Variants in CCNK observed in about 807,000 individuals in gnomAD.
The protein encoded by CCNK is cyclin K.
A neutral mutation model predicts 65.0 loss-of-function variants in CCNK; 9 were observed. The ratio of observed to expected loss-of-function variants is 0.14; its 90% CI spans 0.08 to 0.24. The LOEUF is 0.24. CCNK is among the 10% of genes least tolerant of loss of function. CCNK has a pLI of 1.00. For synonymous variants in CCNK, 279 were observed against 270.8 expected, an observed-to-expected ratio of 1.03 and a Z score of -0.30; for missense variants, 474 against 720.0, an observed-to-expected ratio of 0.66 and a Z score of 3.91.
intron 1 of CCNK, among the ~76,000 whole-genome samples, chr14:99,482,630 G>A (rs1041769885): frequency 6.6e-6 from 1 of 152,100 alleles, no homozygotes; most frequent in African/African-American, 2.4e-5. Flanking sequence ...ATATTGTGAT[G>A]CATTATTCAA....
In CCNK at chr14:99,510,793, T is replaced by C. The variant is rs1474413517; in HGVS notation, c.*11T>C. On this transcript the variant is annotated 3_prime_UTR_variant, in exon 11 of 11. Coordinates refer to ENST00000389879, the MANE Select transcript of CCNK (RefSeq NM_001099402.2). Reference sequence around the variant, plus strand: ...GCCTGGATGAGATAACGTGAGCCTTTTTTCCCTCTTTGTTTTTTTAACAAG... The same window carrying C: ...GCCTGGATGAGATAACGTGAGCCTTCTTTCCCTCTTTGTTTTTTTAACAAG... 5 of 1,416,306 alleles carry C rather than the reference T, an allele frequency of 3.5e-6. No homozygotes were observed. Among genetic ancestry groups the C allele is most frequent in the Non-Finnish European group, 4.6e-6 (5 of 1,085,018 alleles). The allele number at this position is 1,416,306 out of a possible 1,614,324, so 87.7% of individuals were successfully genotyped here. A position where few individuals can be genotyped will look rare whatever the true frequency, so the allele number is the denominator to read the frequency against.
intron 1 of CCNK, among the ~76,000 whole-genome samples, chr14:99,484,734 G>A (rs1310906618): frequency 2.0e-5 from 3 of 152,208 alleles, no homozygotes; most frequent in Non-Finnish European, 1.5e-5. Flanking sequence ...AGGCTGTTTT[G>A]TAAACTAATG....
intron 4 of CCNK, among the ~76,000 whole-genome samples, chr14:99,496,315 A>C (rs1471153357): frequency 6.6e-6 from 1 of 152,192 alleles, no homozygotes; most frequent in Non-Finnish European, 1.5e-5. Context: ...TTTGCAATTA[A>C]ATAGATTTTC....
At chr14:99,494,003 A>C (rs1896648168) in intron 3 of CCNK, 1 of 157,908 alleles carries the variant, frequency 6.3e-6, no homozygotes, top group Admixed American at 6.3e-5. Context: ...AGTAGCTTTC[A>C]GTCCAGGATA....
chr14:99,501,534 G>GC, intron 6 of CCNK, 121 bp downstream of exon 6: 2 of 696,528 alleles, frequency 2.9e-6, no homozygotes, highest in Non-Finnish European at 4.9e-6. Flanking sequence ...GGCTTGAGGA[G>GC]CCAGTTAATG....
chr14:99,493,364 C>T, intron 2 of CCNK, 150 bp from the exon 3 acceptor site: 1 of 549,654 alleles, frequency 1.8e-6, no homozygotes, highest in Non-Finnish European at 3.2e-6. Context: ...AATTCTGACA[C>T]CCTGAGATTC....
chr14:99,502,422 A>G (rs775010290), intron 7 of CCNK, 46 bp downstream of exon 7: 7 of 1,594,482 alleles, frequency 4.4e-6, no homozygotes, highest in East Asian at 2.2e-5. Context: ...CCATGTTGAG[A>G]TGATTCTTCC....
intron 3 of CCNK, 21 bp from the exon 4 acceptor site, chr14:99,495,474 CAAG>C (rs747885973): frequency 6.3e-7 from 1 of 1,591,556 alleles, no homozygotes; most frequent in East Asian, 2.2e-5. Context: ...TAACAAAAAT[CAAG>C]AACTTTTGTT....
rs897065136 is a variant in CCNK, at chr14:99,492,619, C to G, written c.-52-7C>G. ...CCTTTCCAACTTTGTTTTTCTCTTT[C>G]TCATAGGATTCTAACATTTTCAGAG... is the stretch of plus-strand genomic sequence containing the variant. On this transcript the variant is annotated splice_region_variant and splice_polypyrimidine_tract_variant and intron_variant, in intron 1 of 10. Coordinates refer to ENST00000389879, the MANE Select transcript of CCNK (RefSeq NM_001099402.2). 1.4e-6 allele frequency: 2 copies of G among 1,435,786 alleles called. No individual in the cohort carries two copies. Among genetic ancestry groups the G allele is most frequent in the Non-Finnish European group, 1.9e-6 (2 of 1,058,474 alleles). The allele number at this position is 1,435,786 out of a possible 1,614,324, so 88.9% of individuals were successfully genotyped here. A position where few individuals can be genotyped will look rare whatever the true frequency, so the allele number is the denominator to read the frequency against.
At chr14:99,492,554 TACAATCTA>T (rs1566747783) in intron 1 of CCNK, 64 bp from the exon 2 acceptor site, 1 of 792,406 alleles carries the variant, frequency 1.3e-6, no homozygotes. Flanking sequence ...CCAAACCAGG[TACAATCTA>T]TGATTCTAGA....
At chr14:99,500,674 A>G in intron 4 of CCNK, 92 bp from the exon 5 acceptor site, 2 of 829,488 alleles carry the variant, frequency 2.4e-6, no homozygotes, top group Non-Finnish European at 4.0e-6. Context: ...TAACTTGAAG[A>G]GAGAATAAAT....
intron 10 of CCNK, chr14:99,508,687 T>C (rs1897037111): frequency 6.6e-6 from 1 of 152,566 alleles, no homozygotes; most frequent in Non-Finnish European, 1.5e-5. Flanking sequence ...GGAGCAAGTG[T>C]ACAGAGAGGG....
At chr14:99,486,529 T>C (rs973704873) in intron 1 of CCNK, among the ~76,000 whole-genome samples, 1 of 152,256 alleles carries the variant, frequency 6.6e-6, no homozygotes, top group Non-Finnish European at 1.5e-5. Context: ...CTGGCCTATT[T>C]ATCTGTCTGA....
At position 99,510,239 on chromosome 14, in the gene CCNK, G is replaced by C. The variant is rs1897088129; in HGVS notation, c.1200G>C (p.Gln400His). 2.5e-6 allele frequency: 4 copies of C among 1,593,214 alleles called. No individual in the cohort carries two copies. The highest frequency in any genetic ancestry group is 3.4e-6 in the Non-Finnish European group (4 of 1,173,400). Residue 400 changes from glutamine to histidine, a missense_variant, in exon 11 of 11, where the codon CAG (glutamine) becomes CAC (histidine). Coordinates refer to ENST00000389879, the MANE Select transcript of CCNK (RefSeq NM_001099402.2). Reference protein sequence around the residue: ...PVDATDLPKVQIPPPAHPAPV... With the variant: ...PVDATDLPKVHIPPPAHPAPV... ...ATGCCACTGACCTCCCCAAAGTCCA[G>C]ATTCCCCCTCCGGCCCACCCGGCCC...
intron 7 of CCNK, 74 bp from the exon 8 acceptor site, chr14:99,502,645 C>G (rs1566751511): frequency 7.0e-7 from 1 of 1,436,284 alleles, no homozygotes; most frequent in Non-Finnish European, 9.7e-7. Flanking sequence ...GGTATCATAA[C>G]TGATTCTTTA....
intron 9 of CCNK, chr14:99,505,541 C>CT (rs1272876126): frequency 6.6e-6 from 1 of 152,164 alleles, no homozygotes; most frequent in East Asian, 1.9e-4. Flanking sequence ...TTTCCAGAGT[C>CT]TTGCTCTGTT....
rs1282509865 is a variant in CCNK, at chr14:99,511,515, A to G, written c.*733A>G. The G allele has an allele frequency of 6.6e-6, 1 of 152,596 alleles. No homozygotes were observed. The highest frequency in any genetic ancestry group is 1.5e-5 in the Non-Finnish European group (1 of 68,052). The allele number at this position is 152,596 out of a possible 1,614,324, so 9.5% of individuals were successfully genotyped here. A position where few individuals can be genotyped will look rare whatever the true frequency, so the allele number is the denominator to read the frequency against. On this transcript the variant is annotated 3_prime_UTR_variant, in exon 11 of 11. Coordinates refer to ENST00000389879, the MANE Select transcript of CCNK (RefSeq NM_001099402.2). The stretch of plus-strand genomic sequence containing the variant: ...TCCAAATAAAAGCAGTTCTGAAACT[A>G]TCCCTTTCTTTGTTATGGGTGGAAG...
intron 1 of CCNK, among the ~76,000 whole-genome samples, chr14:99,484,374 A>G (rs1316621288): frequency 6.6e-6 from 1 of 152,246 alleles, no homozygotes; most frequent in East Asian, 1.9e-4. Context: ...CCCATGTGCT[A>G]TGCACATCAT....
chr14:99,502,523 T>TGAGCAATA, intron 7 of CCNK, 147 bp downstream of exon 7: 1 of 1,354,440 alleles, frequency 7.4e-7, no homozygotes, highest in Non-Finnish European at 9.9e-7. Context: ...TATCTAATAG[T>TGAGCAATA]TTCCACTTTG....
Sources: allele counts gnomAD v4.1 joint callset (sites outside exome capture counted in the v4.1 genomes callset), GRCh38; gene constraint gnomAD v4.1.1; transcripts MANE v1.5; gene names NCBI Gene and HGNC (gene_info 2026-07-23, HGNC 2026-07-21).